ADGRL3: variants seen among roughly 807,000 people sequenced by gnomAD.
The protein encoded by ADGRL3 is adhesion G protein-coupled receptor L3.
ADGRL3 carries 62 observed loss-of-function variants against 153.5 expected under a neutral mutation model. The ratio of observed to expected loss-of-function variants is 0.40; its 90% CI spans 0.33 to 0.50. ADGRL3 has a LOEUF of 0.50. Ranked by LOEUF, ADGRL3 falls within the 20% of genes least tolerant of loss-of-function variation. ADGRL3 has a pLI of 0.47. For missense variants in ADGRL3, 1,641 were observed against 1,859.4 expected (o/e 0.88, Z 2.16); for synonymous variants, 710 against 672.5 (o/e 1.06, Z -0.86).
At chr4:61,417,948 G>T (rs2097162249) in intron 2 of ADGRL3, among the ~76,000 whole-genome samples, 1 of 152,138 alleles carries the variant, frequency 6.6e-6, no homozygotes, top group Non-Finnish European at 1.5e-5. Flanking sequence ...TTAGGCAAGG[G>T]TTTCAGTTGG....
rs1745643603 is a variant in ADGRL3 at position 62,071,488 on chromosome 4, T to C, written c.*580T>C. The C allele has an allele frequency of 5.8e-6, 1 of 173,856 alleles. No individual in the cohort carries two copies. Among genetic ancestry groups the C allele is most frequent in the Non-Finnish European group, 1.2e-5 (1 of 81,474 alleles). 10.8% of individuals were successfully genotyped at this position (173,856 alleles called of 1,614,324 possible). A position where few individuals can be genotyped will look rare whatever the true frequency, so the allele number is the denominator to read the frequency against. The stretch of plus-strand genomic sequence containing the variant: ...GGGAATTCTAGAATTATATGCTAAA[T>C]GCATATTTTATGATTTGCTGTATTA... On this transcript the variant is annotated 3_prime_UTR_variant, in exon 27 of 27. Coordinates refer to ENST00000683033, the MANE Select transcript of ADGRL3 (RefSeq NM_001387552.1).
intron 1 of ADGRL3, among the ~76,000 whole-genome samples, chr4:61,308,168 G>T (rs560315626): frequency 1.3e-5 from 2 of 152,264 alleles, no homozygotes; most frequent in South Asian, 2.1e-4. Context: ...ACCCTGGAGG[G>T]GTGACGATCA....
intron 1 of ADGRL3, among the ~76,000 whole-genome samples, chr4:61,336,411 T>G (rs538654409): frequency 1.3e-5 from 2 of 152,164 alleles, no homozygotes; most frequent in Non-Finnish European, 2.9e-5. Context: ...AGTCATGCAG[T>G]CCTGGAAGGT....
chr4:61,394,019 C>A (rs921380815), intron 2 of ADGRL3, among the ~76,000 whole-genome samples: 1 of 151,918 alleles, frequency 6.6e-6, no homozygotes, highest in African/African-American at 2.4e-5. Context: ...TAATTCTTAA[C>A]AAAATTCTTT....
chr4:61,705,006 A>C (rs960296747), intron 6 of ADGRL3, among the ~76,000 whole-genome samples: 3 of 152,212 alleles, frequency 2.0e-5, no homozygotes, highest in African/African-American at 7.2e-5. Context: ...AAAGTCATGC[A>C]TGAAAGTTGA....
At chr4:61,656,674 G>C (rs1478829539) in intron 5 of ADGRL3, among the ~76,000 whole-genome samples, 1 of 152,146 alleles carries the variant, frequency 6.6e-6, no homozygotes, top group African/African-American at 2.4e-5. Flanking sequence ...TGTAGCTGTT[G>C]TATGCTACAT....
intron 2 of ADGRL3, among the ~76,000 whole-genome samples, chr4:61,450,410 T>G (rs1280129729): frequency 6.6e-6 from 1 of 152,174 alleles, no homozygotes; most frequent in Non-Finnish European, 1.5e-5. Flanking sequence ...ATTTACCCAT[T>G]TGTGATTTAA....
chr4:61,785,830 A>G (rs2097269865), intron 8 of ADGRL3, among the ~76,000 whole-genome samples: 1 of 152,194 alleles, frequency 6.6e-6, no homozygotes, highest in African/African-American at 2.4e-5. Context: ...ATTTAATGTA[A>G]CATTTCCAGA....
At chr4:61,333,101 G>T (rs2095606328) in intron 1 of ADGRL3, among the ~76,000 whole-genome samples, 3 of 151,900 alleles carry the variant, frequency 2.0e-5, no homozygotes, top group African/African-American at 7.3e-5. Context: ...GGCATTTTTT[G>T]AGTTTAAGTT....
intron 9 of ADGRL3, among the ~76,000 whole-genome samples, chr4:61,856,958 T>TTC (rs1255752041): frequency 4.5e-5 from 3 of 66,406 alleles, no homozygotes; most frequent in Non-Finnish European, 9.7e-5. Flanking sequence ...TTCTCTTTCT[T>TTC]TCTTTCTTTC....
At chr4:61,428,278 G>A (rs1197359046) in intron 2 of ADGRL3, 1 of 152,444 alleles carries the variant, frequency 6.6e-6, no homozygotes, top group African/African-American at 2.4e-5. Context: ...GTGGCTCAGA[G>A]CCAGGTGGTG....
chr4:61,905,335 C>T (rs904826990), intron 11 of ADGRL3, among the ~76,000 whole-genome samples: 2 of 152,108 alleles, frequency 1.3e-5, no homozygotes, highest in African/African-American at 4.8e-5. Flanking sequence ...ACTGTATTAT[C>T]AGTAAGTAGC....
At chr4:61,248,566 G>A (rs1310919288) in intron 1 of ADGRL3, among the ~76,000 whole-genome samples, 1 of 152,010 alleles carries the variant, frequency 6.6e-6, no homozygotes, top group Non-Finnish European at 1.5e-5. Context: ...CTGACAAAAG[G>A]GATGAAATGG....
intron 3 of ADGRL3, among the ~76,000 whole-genome samples, chr4:61,515,646 C>T (rs1208988684): frequency 6.6e-6 from 1 of 152,084 alleles, no homozygotes. Flanking sequence ...TATATTTTAA[C>T]TTGGCTGAGG....
intron 17 of ADGRL3, among the ~76,000 whole-genome samples, chr4:61,957,212 T>A (rs955742993): frequency 1.3e-5 from 2 of 152,186 alleles, no homozygotes; most frequent in African/African-American, 2.4e-5. Context: ...CTTATTTCTT[T>A]GAACAGTGGT....
chr4:61,345,551 T>C (rs753742090), intron 1 of ADGRL3, among the ~76,000 whole-genome samples: 1 of 152,206 alleles, frequency 6.6e-6, no homozygotes, highest in Non-Finnish European at 1.5e-5. Flanking sequence ...AAAAGCTCTA[T>C]GATTATTGCA....
chr4:61,372,985 G>A (rs574114459), intron 1 of ADGRL3, among the ~76,000 whole-genome samples: 7 of 152,180 alleles, frequency 4.6e-5, no homozygotes, highest in South Asian at 2.1e-4. Flanking sequence ...GGAGTGACCC[G>A]ATTCTCCAGG....
chr4:61,327,662 T>G (rs1231239835), intron 1 of ADGRL3, among the ~76,000 whole-genome samples: 2 of 151,794 alleles, frequency 1.3e-5, no homozygotes, highest in African/African-American at 4.8e-5. Context: ...GAAAAGCAGG[T>G]AGAATAAGAG....
chr4:61,738,813 A>G lies in ADGRL3; in HGVS notation c.1399+5259A>G, dbSNP rs78038246. Among the ~76,000 whole-genome samples, 1,433 of 152,298 alleles carry G rather than the reference A, an allele frequency of 9.4e-3. 31 individuals are homozygous for G. Among genetic ancestry groups the G allele is most frequent in the African/African-American group, 0.033 (1,357 of 41,566 alleles). Reference sequence around the variant, plus strand: ...TGAAACACTGTTTTCAACAATAGCTATGTTAAGAAATTAATTTCAATTGAC... The same window carrying G: ...TGAAACACTGTTTTCAACAATAGCTGTGTTAAGAAATTAATTTCAATTGAC... On this transcript the variant is annotated intron_variant, in intron 8 of 26. Coordinates refer to ENST00000683033, the MANE Select transcript of ADGRL3 (RefSeq NM_001387552.1).
Sources: allele counts gnomAD v4.1 joint callset (sites outside exome capture counted in the v4.1 genomes callset), GRCh38; gene constraint gnomAD v4.1.1; transcripts MANE v1.5; gene names NCBI Gene and HGNC (gene_info 2026-07-23, HGNC 2026-07-21).